ACSM3: variants seen among roughly 807,000 people sequenced by gnomAD.
ACSM3 encodes acyl-CoA synthetase medium chain family member 3, also known as acyl-coenzyme A synthetase ACSM3, mitochondrial.
In ACSM3, 61 loss-of-function variants were observed where a neutral mutation model predicts 74.1. The observed-to-expected ratio is 0.82, with a 90% confidence interval of 0.67 to 1.02. The LOEUF (loss-of-function observed/expected upper bound fraction) is 1.02, where lower values mean the gene tolerates loss of function less well. Ranked by LOEUF, ACSM3 falls within the 50% of genes least tolerant of loss-of-function variation. ACSM3 has a pLI of 0.00. For missense variants in ACSM3, 660 were observed against 697.0 expected (o/e 0.95, Z 0.60); for synonymous variants, 213 against 241.5 (o/e 0.88, Z 1.09).
intron 9 of ACSM3, among the ~76,000 whole-genome samples, chr16:20,788,108 ATTTT>A (rs576513584): frequency 2.0e-5 from 3 of 151,886 alleles, no homozygotes; most frequent in Non-Finnish European, 4.4e-5. Flanking sequence ...TTATTTATTT[ATTTT>A]TTTATTTTTT....
At chr16:20,792,204 C>G in intron 11 of ACSM3, 32 bp from the exon 12 acceptor site, 1 of 1,613,948 alleles carries the variant, frequency 6.2e-7, no homozygotes, top group Middle Eastern at 1.7e-4. Context: ...CTGCCACTCA[C>G]CTGTATGTAT....
At chr16:20,728,489 G>A in intron 1 of ACSM3, 2 of 1,112,238 alleles carry the variant, frequency 1.8e-6, no homozygotes, top group Admixed American at 2.0e-5. Flanking sequence ...CTGAATATGT[G>A]ATATGAGGAT....
intron 3 of ACSM3, among the ~76,000 whole-genome samples, chr16:20,757,539 A>C (rs1596502354): frequency 6.6e-6 from 1 of 151,372 alleles, no homozygotes; most frequent in Non-Finnish European, 1.5e-5. Context: ...TTTTGGGCTG[A>C]GACAGTGGGG....
intron 1 of ACSM3, among the ~76,000 whole-genome samples, chr16:20,690,304 C>T (rs1488220141): frequency 6.6e-6 from 1 of 152,182 alleles, no homozygotes; most frequent in Non-Finnish European, 1.5e-5. Context: ...GCTATAAATA[C>T]CATCCATTGT....
intron 1 of ACSM3, among the ~76,000 whole-genome samples, chr16:20,747,107 C>T (rs1176546202): frequency 6.6e-6 from 1 of 151,884 alleles, no homozygotes. Flanking sequence ...TGGAGGCTGA[C>T]TCACTGCAAG....
At chr16:20,759,408 A>C (rs935259743), upstream of ACSM3, among the ~76,000 whole-genome samples, 15 of 152,034 alleles carry the variant, frequency 9.9e-5, no homozygotes, top group African/African-American at 3.6e-4. Context: ...AAATACAAAA[A>C]AATTAGCCAA....
chr16:20,781,930 TTGCC>T, intron 7 of ACSM3, 143 bp downstream of exon 7: 1 of 634,666 alleles, frequency 1.6e-6, no homozygotes, highest in Non-Finnish European at 2.7e-6. Flanking sequence ...TTTCTCCTTC[TTGCC>T]TGCATTCTGT....
intron 1 of ACSM3, among the ~76,000 whole-genome samples, chr16:20,709,648 T>C (rs572943054): frequency 2.0e-5 from 3 of 152,372 alleles, no homozygotes; most frequent in African/African-American, 7.2e-5. Context: ...GAATGAATAC[T>C]CTAAGGTATT....
intron 1 of ACSM3, among the ~76,000 whole-genome samples, chr16:20,706,317 G>C (rs1186263159): frequency 1.3e-5 from 2 of 152,050 alleles, no homozygotes; most frequent in Non-Finnish European, 2.9e-5. Flanking sequence ...TTTGAAAGAA[G>C]ACAGAGGAAA....
chr16:20,687,805 C>G (rs2079579608), intron 1 of ACSM3, among the ~76,000 whole-genome samples: 2 of 152,050 alleles, frequency 1.3e-5, no homozygotes, highest in Non-Finnish European at 2.9e-5. Flanking sequence ...AGAACCCGGC[C>G]AGGCACGGTG....
chr16:20,729,211 T>C, intron 1 of ACSM3: 1 of 781,240 alleles, frequency 1.3e-6, no homozygotes, highest in Non-Finnish European at 2.3e-6. Context: ...AATCCCCAAA[T>C]GTCATCTTTG....
intron 1 of ACSM3, among the ~76,000 whole-genome samples, chr16:20,710,943 A>G (rs544386171): frequency 6.6e-6 from 1 of 152,080 alleles, no homozygotes; most frequent in South Asian, 2.1e-4. Flanking sequence ...AAAATTAGCT[A>G]GGCATGGTAG....
At chr16:20,766,783 A>G (rs1277073999) in intron 1 of ACSM3, among the ~76,000 whole-genome samples, 2 of 152,214 alleles carry the variant, frequency 1.3e-5, no homozygotes, top group Non-Finnish European at 2.9e-5. Context: ...TTAAAAAAAT[A>G]GAATGAAGAT....
At chr16:20,738,610 G>T in intron 1 of ACSM3, 1 of 367,356 alleles carries the variant, frequency 2.7e-6, no homozygotes, top group Non-Finnish European at 5.0e-6. Flanking sequence ...CAACTGGCTG[G>T]AGCTGAGTAG....
intron 1 of ACSM3, among the ~76,000 whole-genome samples, chr16:20,701,616 C>T (rs2079713074): frequency 6.6e-6 from 1 of 152,116 alleles, no homozygotes; most frequent in Non-Finnish European, 1.5e-5. Flanking sequence ...TGGTGGTTTG[C>T]CGCACCTATC....
At chr16:20,714,725 A>G (rs919467563) in intron 1 of ACSM3, among the ~76,000 whole-genome samples, 6 of 152,158 alleles carry the variant, frequency 3.9e-5, no homozygotes, top group Non-Finnish European at 5.9e-5. Flanking sequence ...ATGTTAGGAT[A>G]ATAAGTTTAC....
chr16:20,712,629 G>A (rs1426962015), intron 1 of ACSM3, among the ~76,000 whole-genome samples: 1 of 151,934 alleles, frequency 6.6e-6, no homozygotes, highest in Non-Finnish European at 1.5e-5. Flanking sequence ...TTCCAGGCCT[G>A]GTGCAGTGGC....
intron 1 of ACSM3, among the ~76,000 whole-genome samples, chr16:20,678,113 G>C (rs1002026418): frequency 6.6e-6 from 1 of 152,096 alleles, no homozygotes; most frequent in African/African-American, 2.4e-5. Context: ...TCTCCTCCCA[G>C]AGATTCCCCT....
Position 20,775,147 on chromosome 16 carries a change from G to A in ACSM3, c.220-692G>A, listed in dbSNP as rs558146894. ...GAATGCTGCAGCCCTCTACGGGAAC[G>A]TGTGGGGATGTCAGCAAGGCCCCAG... On this transcript the variant is annotated intron_variant, in intron 2 of 13. Transcript: ENST00000289416. Among the ~76,000 whole-genome samples the A allele has an allele frequency of 1.9e-4, 29 of 152,208 alleles. 1 individual carries two copies. The South Asian group carries it at 5.6e-3, about 29-fold the overall frequency.
Sources: gnomAD v4.1 joint callset for allele counts (sites outside exome capture counted in the v4.1 genomes callset) on GRCh38, gnomAD v4.1.1 for gene constraint, MANE v1.5 for transcripts, NCBI Gene and HGNC (gene_info 2026-07-23, HGNC 2026-07-21) for gene names.